Variants in CTSO observed in about 807,000 individuals in gnomAD.
CTSO encodes the protein cathepsin O.
CTSO carries 40 observed loss-of-function variants against 42.4 expected under a neutral mutation model. The observed-to-expected ratio is 0.94, with a 90% confidence interval of 0.73 to 1.23. The LOEUF is 1.23. CTSO is among the 50% of genes most tolerant of loss of function. The pLI, the probability that CTSO is intolerant of heterozygous loss-of-function variation, is 0.00. For synonymous variants in CTSO, 156 were observed against 146.2 expected (o/e 1.07, Z -0.48); for missense variants, 441 against 396.0 (o/e 1.11, Z -0.96).
At chr4:155,932,950 TTC>T (rs747664039) in intron 5 of CTSO, among the ~76,000 whole-genome samples, 18 of 152,176 alleles carry the variant, frequency 1.2e-4, no homozygotes, top group Non-Finnish European at 2.5e-4. Flanking sequence ...CTAGACTCTC[TTC>T]TCTCTTATCT....
At chr4:155,926,678 C>G (rs1349480018) in intron 7 of CTSO, among the ~76,000 whole-genome samples, 1 of 152,108 alleles carries the variant, frequency 6.6e-6, no homozygotes, top group African/African-American at 2.4e-5. Flanking sequence ...TCAGGGAATA[C>G]TCACTTTCAG....
chr4:155,942,278 T>C, intron 3 of CTSO, 39 bp downstream of exon 3: 8 of 1,508,624 alleles, frequency 5.3e-6, no homozygotes, highest in Non-Finnish European at 7.1e-6. Flanking sequence ...TGCCTTTCAA[T>C]GCTTAGATGA....
intron 2 of CTSO, among the ~76,000 whole-genome samples, chr4:155,942,813 A>G (rs1434286828): frequency 6.6e-6 from 1 of 152,148 alleles, no homozygotes; most frequent in East Asian, 1.9e-4. Flanking sequence ...AATAATAAAA[A>G]TAAGTATAAT....
At chr4:155,953,671 G>A in intron 1 of CTSO, 42 bp downstream of exon 1, 2 of 1,240,216 alleles carry the variant, frequency 1.6e-6, no homozygotes, top group Non-Finnish European at 2.0e-6. Context: ...GACAGGAAGT[G>A]AGGGAGCAGG....
At chr4:155,928,520 G>A in intron 6 of CTSO, 92 bp from the exon 7 acceptor site, 1 of 840,704 alleles carries the variant, frequency 1.2e-6, no homozygotes, top group Non-Finnish European at 1.9e-6. Flanking sequence ...TTCTTGCTAA[G>A]GATAGTAGCT....
chr4:155,952,594 T>C (rs1743696238), intron 1 of CTSO, among the ~76,000 whole-genome samples: 1 of 152,226 alleles, frequency 6.6e-6, no homozygotes, highest in Non-Finnish European at 1.5e-5. Flanking sequence ...ACTTCTGGTT[T>C]TGAAAGCTAG....
chr4:155,931,599 T>A (rs1743235320), intron 5 of CTSO, among the ~76,000 whole-genome samples: 1 of 152,132 alleles, frequency 6.6e-6, no homozygotes, highest in African/African-American at 2.4e-5. Context: ...AGATGTCAGC[T>A]TTTAGAGAGT....
chr4:155,938,085 G>C (rs969737359), intron 4 of CTSO, among the ~76,000 whole-genome samples: 1 of 151,810 alleles, frequency 6.6e-6, no homozygotes, highest in Non-Finnish European at 1.5e-5. Flanking sequence ...TTCTCCTGAC[G>C]GTGCTATAGG....
intron 5 of CTSO, among the ~76,000 whole-genome samples, chr4:155,930,767 T>C (rs114910676): frequency 4.6e-5 from 7 of 152,268 alleles, no homozygotes; most frequent in Non-Finnish European, 7.4e-5. Context: ...AATAATGGAA[T>C]TGATTGAAAT....
Position 155,953,658 on chromosome 4 carries a change from C to A in CTSO, c.135+55G>T, listed in dbSNP as rs1310261826. ...GGGGCCCTCTTCCGCAGCCCAGACC[C>A]GGGACAGGAAGTGAGGGAGCAGGGA... On this transcript the variant is annotated intron_variant, in intron 1 of 7. Coordinates refer to ENST00000433477, the MANE Select transcript of CTSO (RefSeq NM_001334.3). The A allele has an allele frequency of 9.7e-6, 12 of 1,234,194 alleles. No homozygotes were observed. In the East Asian group the frequency reaches 3.5e-4, roughly 36 times the overall value. The allele number at this position is 1,234,194 out of a possible 1,614,324, so 76.5% of individuals were successfully genotyped here.
In CTSO at chr4:155,929,436, G is replaced by GACTT. The variant is rs529076632; in HGVS notation, c.838+102_838+105dup. ...TGAGAAGTTGTGAAGGTCTTATGAG[G>GACTT]ACTTAATCATAGCAGAACCAAATTT... On this transcript the variant is annotated intron_variant, in intron 6 of 7. Coordinates refer to ENST00000433477, the MANE Select transcript of CTSO (RefSeq NM_001334.3). 4 of 1,132,384 alleles carry GACTT rather than the reference G, an allele frequency of 3.5e-6. No homozygotes were observed. The South Asian group carries it at 6.5e-5, about 18-fold the overall frequency. The allele number at this position is 1,132,384 out of a possible 1,614,324, so 70.1% of individuals were successfully genotyped here. A position where few individuals can be genotyped will look rare whatever the true frequency, so the allele number is the denominator to read the frequency against.
At position 155,942,438 on chromosome 4, in the gene CTSO, T is replaced by C; in HGVS notation, c.263A>G (p.Lys88Arg). The change falls in exon 3 of 8, where the codon AAA becomes AGA. Residue 88 changes from lysine to arginine, a missense_variant. Lys to Arg is a conservative substitution (Grantham distance 26, BLOSUM62 2). Transcript: ENST00000433477. ...TGAGTATCTGGGAAACTTGGAAGGT[T>C]TGCTTCTTAAATAAATGGCTGAGTA... ...EEFKAIYLRSKPSKFPRYSAE... is the reference protein window; with the variant it reads ...EEFKAIYLRSRPSKFPRYSAE... 6.5e-7 allele frequency: 1 copy of C among 1,540,552 alleles called. No homozygotes were observed. Among genetic ancestry groups the C allele is most frequent in the Non-Finnish European group, 8.7e-7 (1 of 1,144,490 alleles).
At chr4:155,930,267 A>G (rs977789852) in intron 5 of CTSO, among the ~76,000 whole-genome samples, 2 of 152,192 alleles carry the variant, frequency 1.3e-5, no homozygotes, top group Non-Finnish European at 2.9e-5. Context: ...GAATCAAGAG[A>G]CTAACTCATG....
intron 3 of CTSO, 73 bp from the exon 4 acceptor site, chr4:155,939,611 A>G: frequency 7.4e-7 from 1 of 1,359,248 alleles, no homozygotes; most frequent in Non-Finnish European, 1.0e-6. Flanking sequence ...AAATGTAACA[A>G]GTTATCAAAT....
intron 5 of CTSO, among the ~76,000 whole-genome samples, chr4:155,935,448 A>C (rs1174209603): frequency 6.6e-6 from 1 of 151,842 alleles, no homozygotes; most frequent in Non-Finnish European, 1.5e-5. Context: ...CGATCTTTGC[A>C]TTTACAGCCT....
At chr4:155,934,512 CCA>C (rs1743295195) in intron 5 of CTSO, among the ~76,000 whole-genome samples, 1 of 152,170 alleles carries the variant, frequency 6.6e-6, no homozygotes, top group African/African-American at 2.4e-5. Flanking sequence ...CCTGGAAAAG[CCA>C]CAGACACTCA....
At chr4:155,948,911 G>A (rs1227574693) in intron 1 of CTSO, among the ~76,000 whole-genome samples, 1 of 152,156 alleles carries the variant, frequency 6.6e-6, no homozygotes, top group East Asian at 1.9e-4. Flanking sequence ...TCCCTGAGGG[G>A]AAAAATCTGT....
intron 5 of CTSO, among the ~76,000 whole-genome samples, chr4:155,930,452 C>T (rs1366929993): frequency 4.6e-5 from 7 of 152,170 alleles, no homozygotes; most frequent in Non-Finnish European, 4.4e-5. Context: ...ATTGTTTTCA[C>T]ACATGGACAT....
intron 6 of CTSO, 54 bp from the exon 7 acceptor site, chr4:155,928,482 T>G: frequency 1.6e-6 from 2 of 1,259,442 alleles, no homozygotes; most frequent in Non-Finnish European, 2.3e-6. Context: ...TTGTTATGAA[T>G]GTTTAAGTTT....
Sources: gnomAD v4.1 joint callset for allele counts (sites outside exome capture counted in the v4.1 genomes callset) on GRCh38, gnomAD v4.1.1 for gene constraint, MANE v1.5 for transcripts, NCBI Gene and HGNC (gene_info 2026-07-23, HGNC 2026-07-21) for gene names.